Variants in FARS2 observed in about 807,000 individuals in gnomAD.
The protein encoded by FARS2 is phenylalanyl-tRNA synthetase 2, mitochondrial, also known as phenylalanine--tRNA ligase, mitochondrial.
Under a neutral mutation model 46.4 loss-of-function variants are expected in FARS2, and 40 were observed. The ratio of observed to expected loss-of-function variants is 0.86; its 90% CI spans 0.67 to 1.12. FARS2 has a LOEUF of 1.12. Ranked by LOEUF, FARS2 falls within the 50% of genes most tolerant of loss-of-function variation. The pLI, the probability that FARS2 is intolerant of heterozygous loss-of-function variation, is 0.00. For synonymous variants in FARS2, 234 were observed against 214.9 expected (o/e 1.09, Z -0.78); for missense variants, 513 against 567.9 (o/e 0.90, Z 0.98).
At chr6:5,440,119 A>C (rs1237190556) in intron 4 of FARS2, among the ~76,000 whole-genome samples, 1 of 152,218 alleles carries the variant, frequency 6.6e-6, no homozygotes, top group Non-Finnish European at 1.5e-5. Context: ...AATTAAGAAA[A>C]TAAAATATAA....
At chr6:5,252,197 A>G in the FARS2 span, among the ~76,000 whole-genome samples, 6 of 152,202 alleles carry the variant, frequency 3.9e-5, no homozygotes, top group Non-Finnish European at 8.8e-5. Flanking sequence ...ATGTTTCTAC[A>G]GATTTTGCAG....
At chr6:5,439,463 C>G (rs1053503221) in intron 4 of FARS2, among the ~76,000 whole-genome samples, 1 of 152,242 alleles carries the variant, frequency 6.6e-6, no homozygotes, top group Non-Finnish European at 1.5e-5. Context: ...GAAAACAAAG[C>G]AGGAACTTCA....
At chr6:5,295,206 G>A (rs1031422301) in intron 1 of FARS2, among the ~76,000 whole-genome samples, 1 of 152,174 alleles carries the variant, frequency 6.6e-6, no homozygotes, top group Non-Finnish European at 1.5e-5. Context: ...CGTCATATAC[G>A]TTATATCCTC....
At chr6:5,656,986 A>G (rs200983949) in intron 6 of FARS2, among the ~76,000 whole-genome samples, 2 of 152,136 alleles carry the variant, frequency 1.3e-5, no homozygotes, top group East Asian at 3.8e-4. Context: ...TTTGATCTGT[A>G]TTTGACAGAT....
At chr6:5,279,944 A>G (rs1214364778) in intron 1 of FARS2, among the ~76,000 whole-genome samples, 1 of 152,196 alleles carries the variant, frequency 6.6e-6, no homozygotes, top group African/African-American at 2.4e-5. Flanking sequence ...GTTTAACCAA[A>G]TATCTGGGCA....
At chr6:5,310,819 C>T (rs564039010) in intron 1 of FARS2, among the ~76,000 whole-genome samples, 1 of 152,244 alleles carries the variant, frequency 6.6e-6, no homozygotes, top group East Asian at 1.9e-4. Context: ...ACTGCTATAT[C>T]CTGAAAATAG....
intron 4 of FARS2, 116 bp downstream of exon 4, chr6:5,431,288 C>G: frequency 9.8e-7 from 1 of 1,023,260 alleles, no homozygotes; most frequent in Non-Finnish European, 1.5e-6. Flanking sequence ...AGCGGCATCA[C>G]TGGTCTCTCT....
At chr6:5,701,059 G>A (rs1299669106) in intron 6 of FARS2, among the ~76,000 whole-genome samples, 10 of 152,246 alleles carry the variant, frequency 6.6e-5, no homozygotes, top group Non-Finnish European at 1.3e-4. Context: ...TAAGACTCAA[G>A]GTATGAAAAG....
At chr6:5,282,355 C>T (rs1040621661) in intron 1 of FARS2, among the ~76,000 whole-genome samples, 2 of 152,180 alleles carry the variant, frequency 1.3e-5, no homozygotes, top group African/African-American at 4.8e-5. Flanking sequence ...AAAAGAAACA[C>T]ATGGTCCATG....
intron 6 of FARS2, among the ~76,000 whole-genome samples, chr6:5,621,178 C>T (rs1775754617): frequency 1.3e-5 from 2 of 151,876 alleles, no homozygotes; most frequent in South Asian, 4.2e-4. Flanking sequence ...AGTGCAACTC[C>T]TAGGCTCAAG....
At chr6:5,711,848 G>C (rs1977058) in intron 6 of FARS2, among the ~76,000 whole-genome samples, 37 of 151,938 alleles carry the variant, frequency 2.4e-4, no homozygotes, top group Non-Finnish European at 5.0e-4. Flanking sequence ...TGAATAAAGC[G>C]TGGATGCTGG....
chr6:5,392,893 A>G (rs140250980), intron 2 of FARS2, among the ~76,000 whole-genome samples: 25,757 of 138,340 alleles, frequency 0.19, 2,628 homozygotes, highest in Middle Eastern at 0.26. Flanking sequence ...ATATACATAT[A>G]TGTGTGTATA....
At chr6:5,707,169 G>C (rs1758811489) in intron 6 of FARS2, among the ~76,000 whole-genome samples, 1 of 152,036 alleles carries the variant, frequency 6.6e-6, no homozygotes, top group Admixed American at 6.6e-5. Flanking sequence ...TGTCTGTGCA[G>C]TTTCCTGTTG....
chr6:5,558,375 A>G (rs955250416), intron 5 of FARS2, among the ~76,000 whole-genome samples: 2 of 152,114 alleles, frequency 1.3e-5, no homozygotes, highest in African/African-American at 2.4e-5. Context: ...TTATACTGGC[A>G]TTTTCTATGT....
At chr6:5,490,399 T>C (rs1413880658) in intron 4 of FARS2, among the ~76,000 whole-genome samples, 1 of 152,222 alleles carries the variant, frequency 6.6e-6, no homozygotes, top group Non-Finnish European at 1.5e-5. Flanking sequence ...TTCATTTCTC[T>C]TGTTTCAATA....
At chr6:5,652,635 G>A (rs1250729213) in intron 6 of FARS2, among the ~76,000 whole-genome samples, 5 of 152,226 alleles carry the variant, frequency 3.3e-5, no homozygotes. Flanking sequence ...TTCCAGGGAA[G>A]GACAGAAAAG....
intron 6 of FARS2, among the ~76,000 whole-genome samples, chr6:5,702,158 T>G: frequency 6.6e-6 from 1 of 152,364 alleles, no homozygotes; most frequent in African/African-American, 2.4e-5. Flanking sequence ...GCTAGGACTT[T>G]GACAGCCAAT....
intron 1 of FARS2, among the ~76,000 whole-genome samples, chr6:5,368,111 C>T (rs545203744): frequency 6.6e-6 from 1 of 152,274 alleles, no homozygotes; most frequent in African/African-American, 2.4e-5. Flanking sequence ...CTTCGGAAGC[C>T]TCTGTCTAAT....
At chr6:5,287,551 A>G (rs1017238840) in intron 1 of FARS2, among the ~76,000 whole-genome samples, 10 of 152,128 alleles carry the variant, frequency 6.6e-5, no homozygotes, top group African/African-American at 9.7e-5. Context: ...TGCGAGCCCA[A>G]TGAGGGGACA....
Sources: allele counts gnomAD v4.1 joint callset (sites outside exome capture counted in the v4.1 genomes callset), GRCh38; gene constraint gnomAD v4.1.1; transcripts MANE v1.5; gene names NCBI Gene and HGNC (gene_info 2026-07-23, HGNC 2026-07-21).